Variants in ST3GAL4 observed in about 807,000 individuals in gnomAD.
ST3GAL4 encodes the protein ST3 beta-galactoside alpha-2,3-sialyltransferase 4.
A neutral mutation model predicts 42.6 loss-of-function variants in ST3GAL4; 24 were observed. That is an observed-to-expected ratio of 0.56 (90% confidence interval 0.41 to 0.79). The LOEUF (loss-of-function observed/expected upper bound fraction) is 0.79. Among genes scored for constraint, ST3GAL4 ranks in the 30% least tolerant of loss-of-function variants. ST3GAL4 has a pLI of 0.00. For synonymous variants in ST3GAL4, 135 were observed against 163.2 expected (o/e 0.83, Z 1.32); for missense variants, 311 against 430.8 (o/e 0.72, Z 2.46).
rs1044848233 is a variant in ST3GAL4, at chr11:126,393,531, A to T, written c.-60-12565A>T. Among the ~76,000 whole-genome samples, 2 of 152,222 alleles carry T rather than the reference A, an allele frequency of 1.3e-5. No homozygotes were observed. Among genetic ancestry groups the T allele is most frequent in the East Asian group, 1.9e-4 (1 of 5,198 alleles). On this transcript the variant is annotated intron_variant, in intron 1 of 10. Transcript: ENST00000444328. The surrounding 1 kb of genome is among the most constrained non-coding windows in gnomAD (Gnocchi z 5.9). ...TGACTTTGATGTGCTTTGACTGCAC[A>T]TCAGAGTCAAACGAGTCAGAATAAG...
At position 126,413,313 on chromosome 11, in the gene ST3GAL4, TAATAA is replaced by T; in HGVS notation, c.772-185_772-181del. ...ATTTACAATTTAATTAATTAAAATT[TAATAA>T]AATAAATTCAGTTCCTCAGCTGCAC... On this transcript the variant is annotated intron_variant, in intron 9 of 10. Transcript: ENST00000444328. 5.4e-6 allele frequency: 3 copies of T among 551,476 alleles called. No homozygotes were observed. In the East Asian group the frequency reaches 9.2e-5, roughly 17 times the overall value. The allele number at this position is 551,476 out of a possible 1,614,324, so 34.2% of individuals were successfully genotyped here. A position where few individuals can be genotyped will look rare whatever the true frequency, so the allele number is the denominator to read the frequency against.
intron 1 of ST3GAL4, among the ~76,000 whole-genome samples, chr11:126,368,008 C>T (rs1952498757): frequency 6.6e-6 from 1 of 151,904 alleles, no homozygotes; most frequent in Non-Finnish European, 1.5e-5. Context: ...ATTAGCTGGA[C>T]ATAATGGCGC....
intron 1 of ST3GAL4, among the ~76,000 whole-genome samples, chr11:126,389,579 T>C (rs2135475669): frequency 6.6e-6 from 1 of 152,286 alleles, no homozygotes; most frequent in Non-Finnish European, 1.5e-5. Context: ...TATTATTTTA[T>C]TTAAGATAGG....
In ST3GAL4 at chr11:126,409,179, C is replaced by T. The variant is rs1047985205; in HGVS notation, c.628-89C>T. The T allele has an allele frequency of 1.0e-5, 16 of 1,540,928 alleles. No individual in the cohort carries two copies. Among genetic ancestry groups the T allele is most frequent in the South Asian group, 4.8e-5 (4 of 83,120 alleles). On this transcript the variant is annotated intron_variant, in intron 8 of 10. Coordinates refer to ENST00000444328, the MANE Select transcript of ST3GAL4 (RefSeq NM_001254757.2). This position sits in a 1 kb window ranked among gnomAD's most constrained non-coding sequence, Gnocchi z 4.9. Reference sequence around the variant, plus strand: ...TGAAGGCCTCTGCCATCGCTTGGACCCCCTCGCCTCGCTGAGGACCACTGG... The same window carrying T: ...TGAAGGCCTCTGCCATCGCTTGGACTCCCTCGCCTCGCTGAGGACCACTGG...
At position 126,396,489 on chromosome 11, in the gene ST3GAL4, G is replaced by A. The variant is rs117090790; in HGVS notation, c.-60-9607G>A. 0.019 allele frequency among the ~76,000 whole-genome samples: 2,876 copies of A among 151,928 alleles called. 54 individuals are homozygous for A. Among genetic ancestry groups the A allele is most frequent in the Middle Eastern group, 0.037 (11 of 294 alleles). On this transcript the variant is annotated intron_variant, in intron 1 of 10. Transcript: ENST00000444328. This position sits in a 1 kb window ranked among gnomAD's most constrained non-coding sequence, Gnocchi z 5.8. ...GAATACAGCTGTGTGCCTTGAACACGTACTGCAGAGCTTCCAGAGAGCACC... is the reference window on the plus strand; with the variant it reads ...GAATACAGCTGTGTGCCTTGAACACATACTGCAGAGCTTCCAGAGAGCACC...
In ST3GAL4 at chr11:126,406,638, T is replaced by C. The variant is rs1309755977; in HGVS notation, c.101+81T>C. ...ATGGAGCATCATGGAGCGGGGGACC[T>C]AGTAGGGCAGGAAGGTTCCAAGAGC... On this transcript the variant is annotated intron_variant, in intron 3 of 10. Coordinates refer to ENST00000444328, the MANE Select transcript of ST3GAL4 (RefSeq NM_001254757.2). This position sits in a 1 kb window ranked among gnomAD's most constrained non-coding sequence, Gnocchi z 5.4. 12 of 1,597,798 alleles carry C rather than the reference T, an allele frequency of 7.5e-6. No homozygotes were observed. The highest frequency in any genetic ancestry group is 2.2e-5 in the East Asian group (1 of 44,736).
rs986514503 is a variant in ST3GAL4 at position 126,393,021 on chromosome 11, G to T, written c.-60-13075G>T. 6.0e-5 allele frequency among the ~76,000 whole-genome samples: 9 copies of T among 150,496 alleles called. No homozygotes were observed. The highest frequency in any genetic ancestry group is 3.3e-4 in the Admixed American group (5 of 15,080). ...AGGGGGACGATCATAGCTTACTGCA[G>T]CCTCGATCTCCTGGACTCAGGGGGT... On this transcript the variant is annotated intron_variant, in intron 1 of 10. Coordinates refer to ENST00000444328, the MANE Select transcript of ST3GAL4 (RefSeq NM_001254757.2). The surrounding 1 kb of genome is among the most constrained non-coding windows in gnomAD (Gnocchi z 5.9).
At chr11:126,413,167 G>T (rs1174521471) in intron 9 of ST3GAL4, among the ~76,000 whole-genome samples, 1 of 152,128 alleles carries the variant, frequency 6.6e-6, no homozygotes, top group Non-Finnish European at 1.5e-5. Flanking sequence ...CTTCACAGGT[G>T]CATTCTTAGC....
chr11:126,394,551 A>G (rs1270295727), intron 1 of ST3GAL4, among the ~76,000 whole-genome samples: 2 of 152,096 alleles, frequency 1.3e-5, no homozygotes, highest in Non-Finnish European at 2.9e-5. Flanking sequence ...CAGCCTCTGA[A>G]GTAATTGGGA....
rs1591487615 is a variant in ST3GAL4 at position 126,406,127 on chromosome 11, C to T, written c.-29C>T. On this transcript the variant is annotated 5_prime_UTR_variant, in exon 2 of 11. Coordinates refer to ENST00000444328, the MANE Select transcript of ST3GAL4 (RefSeq NM_001254757.2). This position sits in a 1 kb window ranked among gnomAD's most constrained non-coding sequence, Gnocchi z 5.4. ...CGAGGCAGCCGGGATGACAGCTCTC[C>T]CCAGGAATCCTGCTGCCTGCTGAGA... 7 of 1,552,348 alleles carry T rather than the reference C, an allele frequency of 4.5e-6. No homozygotes were observed. The highest frequency in any genetic ancestry group is 6.1e-6 in the Non-Finnish European group (7 of 1,147,428).
chr11:126,407,761 C>T (rs1565425650), intron 6 of ST3GAL4, 127 bp downstream of exon 6: 9 of 1,047,638 alleles, frequency 8.6e-6, no homozygotes, highest in East Asian at 2.6e-5. Flanking sequence ...AGCCAATTCT[C>T]ATGGTAGCCT....
chr11:126,405,916 G>T (rs528461067), intron 1 of ST3GAL4, 180 bp from the exon 2 acceptor site: 41 of 726,240 alleles, frequency 5.6e-5, no homozygotes, highest in Non-Finnish European at 4.7e-5. Flanking sequence ...CCTTAATGCC[G>T]CCCTTGGAGG....
At chr11:126,403,300 G>A in intron 1 of ST3GAL4, 1 of 799,562 alleles carries the variant, frequency 1.3e-6, no homozygotes, top group Non-Finnish European at 1.5e-6. Context: ...GTCGAAGAAG[G>A]GCTAATTGTC....
chr11:126,384,943 C>T lies in ST3GAL4; in HGVS notation c.-60-21153C>T. 1 of 983,384 alleles carries T rather than the reference C, an allele frequency of 1.0e-6. No homozygotes were observed. The highest frequency in any genetic ancestry group is 1.2e-6 in the Non-Finnish European group (1 of 828,188). 60.9% of individuals were successfully genotyped at this position (983,384 alleles called of 1,614,324 possible). A position where few individuals can be genotyped will look rare whatever the true frequency, so the allele number is the denominator to read the frequency against. ...TTGAATGGAGAGGGGCCGCCTTGTG[C>T]CTGGGAAGGGAGGACCAGGTGTCGC... On this transcript the variant is annotated intron_variant, in intron 1 of 10. Coordinates refer to ENST00000444328, the MANE Select transcript of ST3GAL4 (RefSeq NM_001254757.2). This position sits in a 1 kb window ranked among gnomAD's most constrained non-coding sequence, Gnocchi z 5.5.
At chr11:126,361,189 G>T (rs1166632539) in intron 1 of ST3GAL4, among the ~76,000 whole-genome samples, 1 of 152,138 alleles carries the variant, frequency 6.6e-6, no homozygotes, top group African/African-American at 2.4e-5. Context: ...GCCCAAGAAA[G>T]GTACCCCTAC....
Position 126,384,017 on chromosome 11 carries a change from C to G in ST3GAL4, c.-60-22079C>G, listed in dbSNP as rs1259026169. On this transcript the variant is annotated intron_variant, in intron 1 of 10. Coordinates refer to ENST00000444328, the MANE Select transcript of ST3GAL4 (RefSeq NM_001254757.2). The surrounding 1 kb of genome is among the most constrained non-coding windows in gnomAD (Gnocchi z 5.5). ...CCGAGTCCTCGTCTGGGGGCCCTGC[C>G]CCACTCTCCCTTCCCAATGCAGGGC... is the stretch of plus-strand genomic sequence containing the variant. Among the ~76,000 whole-genome samples, 2 of 152,318 alleles carry G rather than the reference C, an allele frequency of 1.3e-5. No individual in the cohort carries two copies. The highest frequency in any genetic ancestry group is 3.9e-4 in the East Asian group (2 of 5,180).
rs1394087694 is a variant in ST3GAL4 at position 126,383,815 on chromosome 11, C to T, written c.-60-22281C>T. On this transcript the variant is annotated intron_variant, in intron 1 of 10. Coordinates refer to ENST00000444328, the MANE Select transcript of ST3GAL4 (RefSeq NM_001254757.2). The surrounding 1 kb of genome is among the most constrained non-coding windows in gnomAD (Gnocchi z 4.5). ...CTGCGCAGAGCCTGGGCCCTGGACACCTAGAAGGGCCCCTCCTCCCCTCGT... is the reference window on the plus strand; with the variant it reads ...CTGCGCAGAGCCTGGGCCCTGGACATCTAGAAGGGCCCCTCCTCCCCTCGT... Among the ~76,000 whole-genome samples, 1 of 152,170 alleles carries T rather than the reference C, an allele frequency of 6.6e-6. No homozygotes were observed. The highest frequency in any genetic ancestry group is 1.5e-5 in the Non-Finnish European group (1 of 68,024).
chr11:126,392,843 C>T lies in ST3GAL4; in HGVS notation c.-60-13253C>T, dbSNP rs1425401577. On this transcript the variant is annotated intron_variant, in intron 1 of 10. Transcript: ENST00000444328. This position sits in a 1 kb window ranked among gnomAD's most constrained non-coding sequence, Gnocchi z 5.8. ...CTTCTCTGGACTGGGTGGTCTGAAC[C>T]CCATGCAGGGAGGAAACTGTGGCTG... Among the ~76,000 whole-genome samples the T allele has an allele frequency of 6.6e-6, 1 of 152,114 alleles. No individual in the cohort carries two copies. The highest frequency in any genetic ancestry group is 1.5e-5 in the Non-Finnish European group (1 of 68,022).
chr11:126,365,346 G>A (rs1191237725), intron 1 of ST3GAL4, among the ~76,000 whole-genome samples: 1 of 151,902 alleles, frequency 6.6e-6, no homozygotes, highest in Non-Finnish European at 1.5e-5. Flanking sequence ...TCAGGGCTGG[G>A]AGGAGGAGGA....
Sources: gnomAD v4.1 joint callset for allele counts (sites outside exome capture counted in the v4.1 genomes callset) on GRCh38, gnomAD v4.1.1 for gene constraint, Gnocchi (gnomAD v3.1) non-coding constraint, MANE v1.5 for transcripts, NCBI Gene and HGNC (gene_info 2026-07-23, HGNC 2026-07-21) for gene names.